FN3K: variants seen among roughly 807,000 people sequenced by gnomAD.
FN3K encodes fructosamine-3-kinase.
A neutral mutation model predicts 24.8 loss-of-function variants in FN3K; 24 were observed. That is an observed-to-expected ratio of 0.97 (90% confidence interval 0.70 to 1.36). The LOEUF (loss-of-function observed/expected upper bound fraction) is 1.36, where lower values mean the gene tolerates loss of function less well. Ranked by LOEUF, FN3K falls within the 40% of genes most tolerant of loss-of-function variation. The pLI, the probability that FN3K is intolerant of heterozygous loss-of-function variation, is 0.00. For missense variants in FN3K, 449 were observed against 416.7 expected, an observed-to-expected ratio of 1.08 and a Z score of -0.67; for synonymous variants, 192 against 175.2, an observed-to-expected ratio of 1.10 and a Z score of -0.76.
chr17:82,747,456 A>C (rs1421026288), intron 4 of FN3K, among the ~76,000 whole-genome samples: 1 of 152,154 alleles, frequency 6.6e-6, no homozygotes, highest in Non-Finnish European at 1.5e-5. Flanking sequence ...GCTGGAGTGC[A>C]ATGGCACAAT....
chr17:82,737,103 A>T (rs1035580225), intron 1 of FN3K, among the ~76,000 whole-genome samples: 1 of 151,958 alleles, frequency 6.6e-6, no homozygotes, highest in Non-Finnish European at 1.5e-5. Flanking sequence ...GTGGACACTC[A>T]CACCCACCCT....
intron 1 of FN3K, chr17:82,735,988 G>T (rs933518652): frequency 3.3e-6 from 2 of 614,804 alleles, no homozygotes; most frequent in Non-Finnish European, 5.5e-6. Flanking sequence ...GCCTCCATGC[G>T]CAGCGCACAG....
At chr17:82,749,184 C>A in intron 5 of FN3K, 1 of 696,112 alleles carries the variant, frequency 1.4e-6, no homozygotes, top group Non-Finnish European at 2.5e-6. Context: ...GCTCCTCGTG[C>A]CCCTCTCCAC....
rs1457759956 is a variant in FN3K, at chr17:82,750,558, G to C, written c.733G>C (p.Glu245Gln). 6.2e-7 allele frequency: 1 copy of C among 1,614,136 alleles called. No individual in the cohort carries two copies. Among genetic ancestry groups the C allele is most frequent in the African/African-American group, 1.3e-5 (1 of 75,030 alleles). The stretch of plus-strand genomic sequence containing the variant: ...TTCCTTCTATGGCCATTCCGAGTTT[G>C]AACTGGCAATCGCCTTGATGTTTGG... ...PASFYGHSEF[E>Q]LAIALMFGGF... is the part of the protein sequence containing the mutation. The change falls in exon 6 of 6, where the codon GAA becomes CAA. Residue 245 changes from glutamate (E) to glutamine (Q), a missense_variant. Transcript: ENST00000300784.
At chr17:82,740,623 A>C in intron 2 of FN3K, 140 bp from the exon 3 acceptor site, 1 of 646,560 alleles carries the variant, frequency 1.5e-6, no homozygotes, top group Non-Finnish European at 2.8e-6. Flanking sequence ...AGAAAGAGTC[A>C]TTGCCTGGTG....
chr17:82,742,972 C>G (rs1388961663), intron 4 of FN3K, among the ~76,000 whole-genome samples: 2 of 152,142 alleles, frequency 1.3e-5, no homozygotes, highest in African/African-American at 2.4e-5. Context: ...TTTAGGGTTC[C>G]CAGCCAACAG....
Position 82,750,925 on chromosome 17 carries a change from C to T in FN3K, c.*170C>T, listed in dbSNP as rs1598346340. The T allele has an allele frequency of 4.6e-5, 17 of 370,244 alleles. No individual in the cohort carries two copies. The highest frequency in any genetic ancestry group is 7.3e-5 in the Non-Finnish European group (15 of 206,240). The allele number at this position is 370,244 out of a possible 1,614,324, so 22.9% of individuals were successfully genotyped here. A position where few individuals can be genotyped will look rare whatever the true frequency, so the allele number is the denominator to read the frequency against. On this transcript the variant is annotated 3_prime_UTR_variant, in exon 6 of 6. Transcript: ENST00000300784. Reference sequence around the variant, plus strand: ...CCTCCTGTCCCCGTCCCCCCGTCCCCGTCCCTCCATCCCTGTCCCCCGTCC... The same window carrying T: ...CCTCCTGTCCCCGTCCCCCCGTCCCTGTCCCTCCATCCCTGTCCCCCGTCC...
intron 1 of FN3K, chr17:82,736,536 C>T (rs1257798265): frequency 1.4e-5 from 2 of 143,350 alleles, no homozygotes; most frequent in African/African-American, 5.1e-5. Context: ...AACTCCGTCT[C>T]AAAAAAAAAA....
At position 82,750,561 on chromosome 17, in the gene FN3K, C is replaced by T; in HGVS notation, c.736C>T (p.Leu246=). 6.2e-7 allele frequency: 1 copy of T among 1,614,170 alleles called. No individual in the cohort carries two copies. The stretch of plus-strand genomic sequence containing the variant: ...CTTCTATGGCCATTCCGAGTTTGAA[C>T]TGGCAATCGCCTTGATGTTTGGGGG... ...ASFYGHSEFE[L]AIALMFGGFP... Residue 246 remains leucine, a synonymous_variant, in exon 6 of 6, where the codon CTG becomes TTG. Coordinates refer to ENST00000300784, the MANE Select transcript of FN3K (RefSeq NM_022158.4).
chr17:82,739,484 G>T (rs1167633625), intron 2 of FN3K, among the ~76,000 whole-genome samples: 1 of 145,224 alleles, frequency 6.9e-6, no homozygotes, highest in Non-Finnish European at 1.5e-5. Flanking sequence ...TTGAGACGGA[G>T]TGTCGCTCTG....
rs2047019205 is a variant in FN3K, at chr17:82,750,820, T to TG, written c.*65_*66insG. The TG allele has an allele frequency of 8.9e-7, 1 of 1,126,282 alleles. No individual in the cohort carries two copies. Among genetic ancestry groups the TG allele is most frequent in the African/African-American group, 3.0e-5 (1 of 33,172 alleles). 69.8% of individuals were successfully genotyped at this position (1,126,282 alleles called of 1,614,324 possible). A position where few individuals can be genotyped will look rare whatever the true frequency, so the allele number is the denominator to read the frequency against. ...CCGTCTCCCCGTCCCTGTCCCCCCG[T>TG]CCCCCGTCCCTGTGCCCCCGTCCCT... is the stretch of plus-strand genomic sequence containing the variant. On this transcript the variant is annotated 3_prime_UTR_variant, in exon 6 of 6. Coordinates refer to ENST00000300784, the MANE Select transcript of FN3K (RefSeq NM_022158.4).
rs774417902 is a variant in FN3K, at chr17:82,750,484, C to T, written c.659C>T (p.Ser220Leu). 1.2e-6 allele frequency: 2 copies of T among 1,614,120 alleles called. No homozygotes were observed. The highest frequency in any genetic ancestry group is 1.1e-5 in the South Asian group (1 of 91,070). ...GCGTTGCTCCACGGGGATCTCTGGT[C>T]GGGAAACGTGGCTGAGGACGACGTG... is the stretch of plus-strand genomic sequence containing the variant. ...VPALLHGDLW[S>L]GNVAEDDVGP... is the part of the protein sequence containing the mutation. Residue 220 changes from serine (S) to leucine (L), a missense_variant, in exon 6 of 6, where the codon TCG becomes TTG. Ser to Leu is a moderately radical substitution (Grantham distance 145, BLOSUM62 -2). Coordinates refer to ENST00000300784, the MANE Select transcript of FN3K (RefSeq NM_022158.4).
At chr17:82,743,380 C>T (rs148618889) in intron 4 of FN3K, among the ~76,000 whole-genome samples, 47 of 152,350 alleles carry the variant, frequency 3.1e-4, no homozygotes, top group Non-Finnish European at 4.9e-4. Flanking sequence ...TCAGGTGCAG[C>T]CTGGCTAGGA....
At chr17:82,742,530 T>C (rs1347254064) in intron 4 of FN3K, 4 of 344,804 alleles carry the variant, frequency 1.2e-5, no homozygotes, top group Non-Finnish European at 2.3e-5. Flanking sequence ...AGCTCTTCCA[T>C]GTTGTAGCAG....
Position 82,741,345 on chromosome 17 carries a change from G to C in FN3K, c.420G>C (p.Val140=). Residue 140 remains valine (V), a synonymous_variant, in exon 4 of 6, where the codon GTG becomes GTC. Transcript: ENST00000300784. ...GTGAGGGTGCTGAGCCTCAGTATGT[G>C]GACAAGTTCGGCTTCCACACGGTGA... ...RRGEGAEPQY[V]DKFGFHTVTC... The C allele has an allele frequency of 6.2e-7, 1 of 1,613,934 alleles. No individual in the cohort carries two copies.
intron 4 of FN3K, among the ~76,000 whole-genome samples, chr17:82,746,455 T>C (rs551936639): frequency 1.3e-5 from 2 of 152,100 alleles, no homozygotes; most frequent in East Asian, 1.9e-4. Context: ...TTACCAGATA[T>C]ATGATTTGCG....
rs1279203787 is a variant in FN3K, at chr17:82,750,394, A to G, written c.592-23A>G. ...ACCGGGGCTCCCAGAGGCCAGCGAT[A>G]ACTGCAGCCGTTGCTCTCGTAGGTG... On this transcript the variant is annotated intron_variant, in intron 5 of 5. Transcript: ENST00000300784. 7 of 1,607,908 alleles carry G rather than the reference A, an allele frequency of 4.4e-6. No individual in the cohort carries two copies. The South Asian group carries it at 7.7e-5, about 18-fold the overall frequency.
intron 4 of FN3K, chr17:82,745,697 C>G (rs1169146315): frequency 1.3e-5 from 2 of 152,216 alleles, no homozygotes; most frequent in Non-Finnish European, 2.9e-5. Context: ...CGCTGTGAAC[C>G]TTTGTGTACA....
rs1452025154 is a variant in FN3K, at chr17:82,735,684, C to G, written c.48C>G (p.Ala16=). 6.5e-7 allele frequency: 1 copy of G among 1,541,552 alleles called. No homozygotes were observed. Among genetic ancestry groups the G allele is most frequent in the African/African-American group, 1.4e-5 (1 of 72,664 alleles). ...AGCTGCGCACCGCGACCCTGCGGGC[C>G]TTCGGCGGCCCCGGCGCCGGCTGCA... ...RAELRTATLR[A]FGGPGAGCIS... Residue 16 remains alanine, a synonymous_variant, in exon 1 of 6, where the codon GCC becomes GCG. Transcript: ENST00000300784.
Sources: gnomAD v4.1 joint callset for allele counts (sites outside exome capture counted in the v4.1 genomes callset) on GRCh38, gnomAD v4.1.1 for gene constraint, MANE v1.5 for transcripts, NCBI Gene and HGNC (gene_info 2026-07-23, HGNC 2026-07-21) for gene names.